The following HOXC4 variants were observed in gnomAD, a reference collection of about 807,000 sequenced individuals.
HOXC4 encodes homeobox C4.
HOXC4 carries 15 observed loss-of-function variants against 25.5 expected under a neutral mutation model. The observed-to-expected ratio is 0.59, with a 90% CI of 0.39 to 0.91. The LOEUF (loss-of-function observed/expected upper bound fraction) is 0.91, where lower values mean the gene tolerates loss of function less well. Ranked by LOEUF, HOXC4 falls within the 40% of genes least tolerant of loss-of-function variation. The pLI is 0.00. For missense variants in HOXC4, 342 were observed against 352.4 expected (o/e 0.97, Z 0.24); for synonymous variants, 165 against 148.0 (o/e 1.11, Z -0.83).
At chr12:54,026,886 G>A (rs59323124) in intron 1 of HOXC4, among the ~76,000 whole-genome samples, 1 of 151,714 alleles carries the variant, frequency 6.6e-6, no homozygotes, top group Non-Finnish European at 1.5e-5. Flanking sequence ...TACACAGAAG[G>A]AAAAGATCAT....
chr12:54,021,304 G>A (rs1940424725), intron 1 of HOXC4: 1 of 152,218 alleles, frequency 6.6e-6, no homozygotes, highest in Non-Finnish European at 1.5e-5. Flanking sequence ...GATGAACTGC[G>A]TTTTAATCCT....
chr12:54,026,675 C>T (rs1260917528), intron 1 of HOXC4, among the ~76,000 whole-genome samples: 2 of 152,154 alleles, frequency 1.3e-5, no homozygotes, highest in Non-Finnish European at 2.9e-5. Context: ...TCTTCAACCC[C>T]CTAACGAGGT....
In HOXC4 at chr12:54,054,256, C is replaced by T; in HGVS notation, c.334C>T (p.Pro112Ser). Reference sequence around the variant, plus strand: ...CTCAGGCGCCTCCGCCTCCCCGTCCCCAGCCCCGCCAGCCTGCAGCCAGCC... The same window carrying T: ...CTCAGGCGCCTCCGCCTCCCCGTCCTCAGCCCCGCCAGCCTGCAGCCAGCC... ...PLSGASASPS[P>S]APPACSQPAP... is the part of the protein sequence containing the mutation. The change falls in exon 1 of 2, where the codon CCA becomes TCA. Residue 112 changes from proline (P) to serine (S), a missense_variant. Transcript: ENST00000430889. 2 of 1,610,358 alleles carry T rather than the reference C, an allele frequency of 1.2e-6. No individual in the cohort carries two copies. Among genetic ancestry groups the T allele is most frequent in the Non-Finnish European group, 1.7e-6 (2 of 1,178,442 alleles).
At chr12:54,025,533 GGGGGGA>G in intron 1 of HOXC4, among the ~76,000 whole-genome samples, 1 of 48,424 alleles carries the variant, frequency 2.1e-5, no homozygotes, top group Non-Finnish European at 5.3e-5. Flanking sequence ...TAATTGGGGG[GGGGGGA>G]GGTGTTGAAA....
intron 1 of HOXC4, among the ~76,000 whole-genome samples, chr12:54,036,280 G>A (rs970850397): frequency 2.0e-5 from 3 of 152,138 alleles, no homozygotes; most frequent in Non-Finnish European, 4.4e-5. Context: ...TCCCACAACA[G>A]GGTGATTTCC....
chr12:54,048,034 C>T (rs1358368248), intron 1 of HOXC4: 1 of 152,108 alleles, frequency 6.6e-6, no homozygotes, highest in Non-Finnish European at 1.5e-5. Context: ...ATTCCTCCAA[C>T]CCAGGATTCA....
chr12:54,048,272 G>T (rs1368168823), intron 1 of HOXC4, among the ~76,000 whole-genome samples: 1 of 152,032 alleles, frequency 6.6e-6, no homozygotes, highest in East Asian at 1.9e-4. Flanking sequence ...TGGTATGGCT[G>T]GGTCAGCCCA....
chr12:54,051,478 G>GC (rs1937844968), upstream of HOXC4, among the ~76,000 whole-genome samples: 1 of 151,684 alleles, frequency 6.6e-6, no homozygotes, highest in South Asian at 2.1e-4. Context: ...GCCTTCCTCC[G>GC]CCCCCTCACT....
intron 1 of HOXC4, chr12:54,029,975 C>T: frequency 6.6e-7 from 1 of 1,522,350 alleles, no homozygotes; most frequent in Non-Finnish European, 8.8e-7. Context: ...AGGACTGTCC[C>T]TGCCACCCCT....
chr12:54,045,009 C>G (rs1405209423), intron 1 of HOXC4, among the ~76,000 whole-genome samples: 11 of 152,162 alleles, frequency 7.2e-5, no homozygotes, highest in Admixed American at 7.2e-4. Flanking sequence ...AGCAAAATGC[C>G]CCTATATGCT....
chr12:54,022,847 G>A (rs1202535032), intron 1 of HOXC4, among the ~76,000 whole-genome samples: 1 of 152,120 alleles, frequency 6.6e-6, no homozygotes, highest in African/African-American at 2.4e-5. Context: ...TCTCAAATGG[G>A]TCCAAGCAGT....
chr12:54,033,604 C>T, intron 1 of HOXC4: 1 of 1,505,522 alleles, frequency 6.6e-7, no homozygotes, highest in Non-Finnish European at 8.9e-7. Flanking sequence ...ATTTTGCGCT[C>T]TCGGGTCCGC....
intron 1 of HOXC4, among the ~76,000 whole-genome samples, chr12:54,045,056 C>T (rs552766937): frequency 6.6e-6 from 1 of 152,346 alleles, no homozygotes; most frequent in South Asian, 2.1e-4. Context: ...TCCGGGCCCT[C>T]TTAGCACTTG....
intron 1 of HOXC4, among the ~76,000 whole-genome samples, chr12:54,038,397 C>G (rs1057082306): frequency 2.0e-5 from 3 of 152,208 alleles, no homozygotes; most frequent in Admixed American, 6.5e-5. Context: ...CAAAATGCCT[C>G]TGGGGCCCAC....
At chr12:54,037,566 G>A (rs754861605) in intron 1 of HOXC4, among the ~76,000 whole-genome samples, 5 of 152,214 alleles carry the variant, frequency 3.3e-5, no homozygotes, top group African/African-American at 9.7e-5. Flanking sequence ...CCTCGAAGGC[G>A]ACAGGTCCTT....
chr12:54,032,987 G>A (rs1381182633), intron 1 of HOXC4: 2 of 695,978 alleles, frequency 2.9e-6, no homozygotes, highest in Non-Finnish European at 4.7e-6. Flanking sequence ...TTTGGGAAGA[G>A]CGCATAGGAT....
At position 54,054,306 on chromosome 12, in the gene HOXC4, C is replaced by A. The variant is rs745974340; in HGVS notation, c.384C>A (p.Ala128=). ...SQPAPDHPSS[A]ASKQPIVYPW... ...CAGCCCCCGACCATCCCTCCAGCGC[C>A]GCCAGCAAGCAACCCATAGTCTACC... Residue 128 remains alanine, a synonymous_variant, in exon 1 of 2, where the codon GCC becomes GCA. Coordinates refer to ENST00000430889, the MANE Select transcript of HOXC4 (RefSeq NM_153633.3). 2.5e-6 allele frequency: 4 copies of A among 1,605,724 alleles called. No individual in the cohort carries two copies. The highest frequency in any genetic ancestry group is 3.4e-6 in the Non-Finnish European group (4 of 1,176,360).
intron 1 of HOXC4, chr12:54,033,888 CT>C (rs535821879): frequency 5.1e-4 from 245 of 483,442 alleles, no homozygotes; most frequent in Non-Finnish European, 8.1e-4. Context: ...CCGCGGCTCC[CT>C]CCCTCCCTCC....
chr12:54,052,497 C>A (rs1937868170), upstream of HOXC4, among the ~76,000 whole-genome samples: 1 of 152,082 alleles, frequency 6.6e-6, no homozygotes, highest in African/African-American at 2.4e-5. Context: ...CTCCCCTCCG[C>A]TACCCCCCGC....
Sources: gnomAD v4.1 joint callset for allele counts (sites outside exome capture counted in the v4.1 genomes callset) on GRCh38, gnomAD v4.1.1 for gene constraint, MANE v1.5 for transcripts, NCBI Gene and HGNC (gene_info 2026-07-23, HGNC 2026-07-21) for gene names.